Variants in DYNLRB2 observed in about 807,000 individuals in gnomAD.
DYNLRB2 encodes the protein bithoraxoid-like protein.
Under a neutral mutation model 12.6 loss-of-function variants are expected in DYNLRB2, and 14 were observed. That is an observed-to-expected ratio of 1.11 (90% confidence interval 0.73 to 1.73). DYNLRB2 has a LOEUF of 1.73. Among genes scored for constraint, DYNLRB2 ranks in the 40% most tolerant of loss-of-function variants. The pLI is 0.00. For missense variants in DYNLRB2, 142 were observed against 117.7 expected, an observed-to-expected ratio of 1.21 and a Z score of -0.95; for synonymous variants, 53 against 37.0, an observed-to-expected ratio of 1.43 and a Z score of -1.57.
chr16:80,547,438 T>C (rs997805398), intron 2 of DYNLRB2, among the ~76,000 whole-genome samples: 1 of 152,160 alleles, frequency 6.6e-6, no homozygotes, highest in African/African-American at 2.4e-5. Context: ...CAATAAATAT[T>C]TGTTGATTGA....
At chr16:80,541,131 C>A in intron 1 of DYNLRB2, 52 bp downstream of exon 1, 1 of 1,588,292 alleles carries the variant, frequency 6.3e-7, no homozygotes, top group South Asian at 1.1e-5. Flanking sequence ...CGCCGACCGT[C>A]AAGGACCTTC....
chr16:80,549,077 A>G (rs1250256706), intron 2 of DYNLRB2: 1 of 450,244 alleles, frequency 2.2e-6, no homozygotes, highest in East Asian at 7.0e-5. Flanking sequence ...GGCTTCTGAA[A>G]GATTTATGCA....
rs556995466 is a variant in DYNLRB2, at chr16:80,541,689, G to A, written c.3+610G>A. ...TGGGGATTAAGAAATTATACTAGGAGCACTTACAAATCATGAGAAGAGAAA... is the reference window on the plus strand; with the variant it reads ...TGGGGATTAAGAAATTATACTAGGAACACTTACAAATCATGAGAAGAGAAA... On this transcript the variant is annotated intron_variant, in intron 1 of 3. Transcript: ENST00000305904. 2.4e-4 allele frequency among the ~76,000 whole-genome samples: 36 copies of A among 151,022 alleles called. 1 individual carries two copies. Among genetic ancestry groups the A allele is most frequent in the Non-Finnish European group, 4.9e-4 (33 of 67,888 alleles).
At chr16:80,550,468 A>G in intron 3 of DYNLRB2, 47 bp from the exon 4 acceptor site, 1 of 1,609,302 alleles carries the variant, frequency 6.2e-7, no homozygotes, top group Non-Finnish European at 8.5e-7. Context: ...ATATTCCTTG[A>G]TTAAATTTAA....
At chr16:80,545,994 A>G (rs1904442368) in intron 2 of DYNLRB2, among the ~76,000 whole-genome samples, 1 of 151,866 alleles carries the variant, frequency 6.6e-6, no homozygotes, top group Admixed American at 6.6e-5. Context: ...CTTCTAATTA[A>G]CCTCTAATAG....
intron 2 of DYNLRB2, among the ~76,000 whole-genome samples, chr16:80,545,648 T>TTCAGTA (rs894625654): frequency 6.8e-6 from 1 of 146,352 alleles, no homozygotes; most frequent in African/African-American, 2.5e-5. Flanking sequence ...AAATATTATT[T>TTCAGTA]TCAGTACCCA....
intron 2 of DYNLRB2, 106 bp from the exon 3 acceptor site, chr16:80,549,378 C>A: frequency 8.6e-7 from 1 of 1,163,962 alleles, no homozygotes; most frequent in Non-Finnish European, 1.2e-6. Flanking sequence ...TAAGCCATCA[C>A]TTTTTTCTCT....
intron 1 of DYNLRB2, among the ~76,000 whole-genome samples, chr16:80,542,572 C>T (rs953729405): frequency 1.4e-4 from 22 of 152,288 alleles, no homozygotes; most frequent in Middle Eastern, 3.4e-3. Context: ...TGGAAAAGAT[C>T]GTTCTTGTCT....
intron 3 of DYNLRB2, 101 bp from the exon 4 acceptor site, chr16:80,550,414 C>G (rs907294197): frequency 1.4e-6 from 2 of 1,396,880 alleles, no homozygotes; most frequent in Admixed American, 1.7e-5. Flanking sequence ...TCTGTCTGCA[C>G]AAGGTCCCTG....
intron 2 of DYNLRB2, chr16:80,544,925 A>C (rs145240984): frequency 6.6e-6 from 1 of 151,996 alleles, no homozygotes; most frequent in Non-Finnish European, 1.5e-5. Flanking sequence ...CAGTTATTGG[A>C]TTAGGGCCTA....
At chr16:80,546,728 T>A (rs1409231561) in intron 2 of DYNLRB2, among the ~76,000 whole-genome samples, 1 of 152,262 alleles carries the variant, frequency 6.6e-6, no homozygotes, top group Non-Finnish European at 1.5e-5. Flanking sequence ...ATAAGTCTGA[T>A]TTCTACAGGC....
chr16:80,541,857 T>G (rs1904291454), intron 1 of DYNLRB2, among the ~76,000 whole-genome samples: 1 of 152,174 alleles, frequency 6.6e-6, no homozygotes, highest in Non-Finnish European at 1.5e-5. Flanking sequence ...TGCAGTGAAT[T>G]ATTGATCCCC....
At chr16:80,540,806 T>C (rs564650102), upstream of DYNLRB2, 1 of 707,358 alleles carries the variant, frequency 1.4e-6, no homozygotes, top group South Asian at 1.5e-5. Context: ...CTGACCCACT[T>C]CCCTCTTCCC....
At chr16:80,548,502 T>A (rs1252563095) in intron 2 of DYNLRB2, among the ~76,000 whole-genome samples, 1 of 151,884 alleles carries the variant, frequency 6.6e-6, no homozygotes, top group Non-Finnish European at 1.5e-5. Context: ...ATGAGGCGGG[T>A]GGATTACCTG....
At chr16:80,547,846 A>G in intron 2 of DYNLRB2, 1 of 456,564 alleles carries the variant, frequency 2.2e-6, no homozygotes, top group Non-Finnish European at 4.4e-6. Context: ...AAGATTAGCA[A>G]GGTTTTTATT....
chr16:80,543,284 G>T lies in DYNLRB2; in HGVS notation c.12G>T (p.Val4=). The T allele has an allele frequency of 6.2e-7, 1 of 1,613,962 alleles. No individual in the cohort carries two copies. The change falls in exon 2 of 4, where the codon GTG becomes GTT. Residue 4 remains valine, a synonymous_variant. Coordinates refer to ENST00000305904, the MANE Select transcript of DYNLRB2 (RefSeq NM_130897.3). The part of the protein sequence containing the change: MAE[V]EETLKRIQSH... The stretch of plus-strand genomic sequence containing the variant: ...TTCCTGGTCTCTTTCAGGCAGAGGT[G>T]GAGGAAACCTTAAAGAGGATCCAGA...
At chr16:80,545,479 T>A (rs1051904089) in intron 2 of DYNLRB2, among the ~76,000 whole-genome samples, 2 of 152,064 alleles carry the variant, frequency 1.3e-5, no homozygotes, top group Non-Finnish European at 2.9e-5. Flanking sequence ...CATGTTCTAA[T>A]CCTATTTATG....
At chr16:80,550,469 T>C (rs528909369) in intron 3 of DYNLRB2, 46 bp from the exon 4 acceptor site, 7 of 1,609,526 alleles carry the variant, frequency 4.3e-6, no homozygotes, top group African/African-American at 2.7e-5. Context: ...TATTCCTTGA[T>C]TAAATTTAAA....
chr16:80,541,282 T>C, intron 1 of DYNLRB2: 1 of 961,730 alleles, frequency 1.0e-6, no homozygotes, highest in Non-Finnish European at 1.2e-6. Flanking sequence ...GGAAGCTGTT[T>C]TGGGAATTGA....
Sources: allele counts gnomAD v4.1 joint callset (sites outside exome capture counted in the v4.1 genomes callset), GRCh38; gene constraint gnomAD v4.1.1; transcripts MANE v1.5; gene names NCBI Gene and HGNC (gene_info 2026-07-23, HGNC 2026-07-21).